The following MYO3B variants were observed in gnomAD, a reference collection of about 807,000 sequenced individuals.
MYO3B encodes the protein myosin-IIIb.
In MYO3B, 156 loss-of-function variants were observed where a neutral mutation model predicts 174.6. The observed-to-expected ratio is 0.89, with a 90% CI of 0.78 to 1.02. The LOEUF (loss-of-function observed/expected upper bound fraction) is 1.02. MYO3B is among the 50% of genes least tolerant of loss of function. MYO3B has a pLI of 0.00. For synonymous variants in MYO3B, 563 were observed against 569.1 expected (o/e 0.99, Z 0.15); for missense variants, 1,632 against 1,639.4 (o/e 1.00, Z 0.08).
intron 23 of MYO3B, among the ~76,000 whole-genome samples, chr2:170,460,487 CAAA>C (rs36000141): frequency 1.5e-4 from 11 of 73,706 alleles, no homozygotes; most frequent in East Asian, 1.0e-3. Flanking sequence ...GACTCCGTCT[CAAA>C]AAAAAAAAAA....
intron 32 of MYO3B, among the ~76,000 whole-genome samples, chr2:170,549,427 C>T (rs781721559): frequency 8.5e-5 from 13 of 152,278 alleles, no homozygotes; most frequent in Middle Eastern, 6.8e-3. Flanking sequence ...TGATTGATTT[C>T]GGGTCTTTCA....
At chr2:170,515,054 C>G (rs764795623) in intron 29 of MYO3B, 32 bp downstream of exon 29, 6 of 1,587,486 alleles carry the variant, frequency 3.8e-6, no homozygotes, top group Non-Finnish European at 4.3e-6. Flanking sequence ...AATGAGTGTT[C>G]TAAATTCAGG....
intron 6 of MYO3B, among the ~76,000 whole-genome samples, chr2:170,229,919 G>A (rs1010127331): frequency 3.3e-5 from 5 of 152,082 alleles, no homozygotes; most frequent in Admixed American, 6.5e-5. Flanking sequence ...ATGATGGCCC[G>A]AGAAAGTGAA....
In MYO3B at chr2:170,387,307, G is replaced by A; in HGVS notation, c.1576G>A (p.Ala526Thr). ...LEKSRVIKQA[A>T]REKNFHIFYY... Reference sequence around the variant, plus strand: ...AAAATCCAGAGTTATAAAACAGGCAGCGTAGGTGCACTACTTTATCACTGT... The same window carrying A: ...AAAATCCAGAGTTATAAAACAGGCAACGTAGGTGCACTACTTTATCACTGT... The change falls in exon 14 of 35, where the codon GCG (alanine) becomes ACG (threonine). Residue 526 changes from alanine to threonine, a missense_variant and splice_region_variant. Transcript: ENST00000408978. 1 of 1,613,974 alleles carries A rather than the reference G, an allele frequency of 6.2e-7. No homozygotes were observed. The highest frequency in any genetic ancestry group is 1.6e-4 in the Middle Eastern group (1 of 6,062).
At chr2:170,271,461 A>G (rs754100495) in intron 7 of MYO3B, among the ~76,000 whole-genome samples, 1 of 152,098 alleles carries the variant, frequency 6.6e-6, no homozygotes, top group Non-Finnish European at 1.5e-5. Flanking sequence ...TATATTTTCA[A>G]CTCTCCAACA....
chr2:170,342,431 C>CA (rs2093983007), intron 8 of MYO3B: 1 of 152,252 alleles, frequency 6.6e-6, no homozygotes, highest in Non-Finnish European at 1.5e-5. Context: ...ACATTCGCCT[C>CA]TCCCCAGAGT....
chr2:170,222,585 T>C (rs538427700), intron 6 of MYO3B, among the ~76,000 whole-genome samples: 5 of 152,218 alleles, frequency 3.3e-5, no homozygotes, highest in African/African-American at 1.2e-4. Context: ...CCGTGGTATT[T>C]TCTCTGTGTG....
At chr2:170,305,748 A>G (rs1221149748) in intron 7 of MYO3B, among the ~76,000 whole-genome samples, 1 of 152,022 alleles carries the variant, frequency 6.6e-6, no homozygotes, top group Non-Finnish European at 1.5e-5. Flanking sequence ...TAAATAATAA[A>G]TAAATTTTTA....
chr2:170,437,424 C>A (rs561130043), intron 22 of MYO3B, among the ~76,000 whole-genome samples: 20 of 152,228 alleles, frequency 1.3e-4, no homozygotes, highest in Admixed American at 2.0e-4. Flanking sequence ...TTTTTTCTGA[C>A]CTTCTCCTAA....
chr2:170,385,772 C>T (rs1212989490), intron 12 of MYO3B: 1 of 153,418 alleles, frequency 6.5e-6, no homozygotes, highest in Non-Finnish European at 1.4e-5. Context: ...CAGGCACTTT[C>T]ACATATTGGT....
intron 8 of MYO3B, chr2:170,350,752 A>G (rs1461029206): frequency 6.6e-6 from 1 of 152,266 alleles, no homozygotes; most frequent in Non-Finnish European, 1.5e-5. Flanking sequence ...GTCTTAATAC[A>G]TTAATATGAT....
At chr2:170,305,267 G>T (rs932827206) in intron 7 of MYO3B, among the ~76,000 whole-genome samples, 1 of 151,964 alleles carries the variant, frequency 6.6e-6, no homozygotes, top group African/African-American at 2.4e-5. Flanking sequence ...ACACTAAAAC[G>T]TTACATACAC....
chr2:170,347,171 AG>A (rs2094022828), intron 8 of MYO3B, among the ~76,000 whole-genome samples: 3 of 152,226 alleles, frequency 2.0e-5, no homozygotes, highest in Admixed American at 2.0e-4. Flanking sequence ...ATTAACAGTA[AG>A]ATTTATTTAA....
chr2:170,231,481 A>G (rs2093015752), intron 6 of MYO3B, among the ~76,000 whole-genome samples: 1 of 152,224 alleles, frequency 6.6e-6, no homozygotes, highest in Admixed American at 6.5e-5. Flanking sequence ...CAGTGCATAG[A>G]TATTGCTAGT....
At chr2:170,238,194 T>C (rs1416941216) in intron 7 of MYO3B, among the ~76,000 whole-genome samples, 1 of 152,218 alleles carries the variant, frequency 6.6e-6, no homozygotes, top group Non-Finnish European at 1.5e-5. Context: ...CCTGTGTGAG[T>C]GCTACTTAAT....
At chr2:170,521,965 G>A (rs963983846) in intron 30 of MYO3B, among the ~76,000 whole-genome samples, 7 of 152,248 alleles carry the variant, frequency 4.6e-5, no homozygotes, top group East Asian at 1.9e-4. Context: ...TGGGCCATGC[G>A]TGCTTTCCTT....
chr2:170,209,099 C>T (rs983577537), intron 3 of MYO3B, among the ~76,000 whole-genome samples: 8 of 152,170 alleles, frequency 5.3e-5, no homozygotes, highest in Non-Finnish European at 8.8e-5. Context: ...CTCTGCAAGT[C>T]GAGCTTGACT....
intron 32 of MYO3B, among the ~76,000 whole-genome samples, chr2:170,599,598 C>T (rs1199934427): frequency 6.6e-6 from 1 of 151,974 alleles, no homozygotes; most frequent in Non-Finnish European, 1.5e-5. Context: ...AATACAAAAA[C>T]TTAGCCAGGC....
chr2:170,301,660 A>C (rs1262778161), intron 7 of MYO3B, among the ~76,000 whole-genome samples: 1 of 152,162 alleles, frequency 6.6e-6, no homozygotes, highest in South Asian at 2.1e-4. Context: ...TGGGTGTTTA[A>C]TGACTAAAAT....
Sources: gnomAD v4.1 joint callset for allele counts (sites outside exome capture counted in the v4.1 genomes callset) on GRCh38, gnomAD v4.1.1 for gene constraint, MANE v1.5 for transcripts, NCBI Gene and HGNC (gene_info 2026-07-23, HGNC 2026-07-21) for gene names.